CNTN1: variants seen among roughly 807,000 people sequenced by gnomAD.
CNTN1 encodes contactin 1, also known as contactin-1.
A neutral mutation model predicts 126.4 loss-of-function variants in CNTN1; 38 were observed. The ratio of observed to expected loss-of-function variants is 0.30; its 90% CI spans 0.23 to 0.39. The LOEUF (loss-of-function observed/expected upper bound fraction) is 0.39. CNTN1 is among the 10% of genes least tolerant of loss of function. The pLI, the probability that CNTN1 is intolerant of heterozygous loss-of-function variation, is 1.00. For missense variants in CNTN1, 1,009 were observed against 1,248.4 expected (o/e 0.81, Z 2.89); for synonymous variants, 413 against 422.6 (o/e 0.98, Z 0.28).
intron 1 of CNTN1, among the ~76,000 whole-genome samples, chr12:40,905,423 T>A (rs1944774043): frequency 1.3e-5 from 2 of 152,192 alleles, no homozygotes; most frequent in Non-Finnish European, 2.9e-5. Flanking sequence ...TGTTTCTTTT[T>A]CTCTCTGGTC....
chr12:40,726,583 A>G (rs1942356903), intron 1 of CNTN1, among the ~76,000 whole-genome samples: 1 of 152,078 alleles, frequency 6.6e-6, no homozygotes, highest in Non-Finnish European at 1.5e-5. Context: ...TGATCCGATT[A>G]CCTCCACCTG....
intron 20 of CNTN1, among the ~76,000 whole-genome samples, chr12:41,021,047 TA>T (rs1948895967): frequency 6.6e-6 from 1 of 152,204 alleles, no homozygotes; most frequent in Non-Finnish European, 1.5e-5. Flanking sequence ...TTAGGGTCTT[TA>T]ATACAATGCT....
chr12:40,917,060 GC>G (rs1387430623), intron 3 of CNTN1, among the ~76,000 whole-genome samples: 23 of 110,878 alleles, frequency 2.1e-4, no homozygotes, highest in Admixed American at 9.9e-5. Context: ...AGTGGTGGGG[GC>G]GGGGGGGGGG....
intron 16 of CNTN1, among the ~76,000 whole-genome samples, chr12:40,990,003 A>G (rs1430780080): frequency 2.0e-5 from 3 of 151,820 alleles, no homozygotes; most frequent in African/African-American, 7.3e-5. Flanking sequence ...AGATTTGCAG[A>G]AGTGAAAGCA....
At chr12:40,939,746 T>A (rs887491838) in intron 12 of CNTN1, among the ~76,000 whole-genome samples, 1 of 152,114 alleles carries the variant, frequency 6.6e-6, no homozygotes, top group Admixed American at 6.6e-5. Flanking sequence ...TGTCTTGTTG[T>A]TATAAATTGC....
rs115391965 is a variant in CNTN1 at position 40,996,982 on chromosome 12, C to T, written c.2113+3713C>T. 1.6e-3 allele frequency among the ~76,000 whole-genome samples: 250 copies of T among 152,306 alleles called. 2 individuals are homozygous for T. The highest frequency in any genetic ancestry group is 5.7e-3 in the African/African-American group (235 of 41,570). On this transcript the variant is annotated intron_variant, in intron 17 of 23. Transcript: ENST00000551295. ...AAGGTTGGTCCCCAGCCTCATTATG[C>T]TGATTGAAAGACATGACATTATCCA...
chr12:40,804,017 C>T (rs958911395), intron 1 of CNTN1, among the ~76,000 whole-genome samples: 1 of 151,944 alleles, frequency 6.6e-6, no homozygotes, highest in African/African-American at 2.4e-5. Flanking sequence ...TGAGTGTGCT[C>T]ACTAGGCTAA....
intron 23 of CNTN1, among the ~76,000 whole-genome samples, chr12:41,058,760 T>G (rs907684865): frequency 6.6e-6 from 1 of 152,186 alleles, no homozygotes; most frequent in African/African-American, 2.4e-5. Context: ...TGATTAGAAT[T>G]ATTTTATATC....
chr12:40,967,232 C>T (rs962832008), intron 15 of CNTN1, among the ~76,000 whole-genome samples: 1 of 151,960 alleles, frequency 6.6e-6, no homozygotes, highest in African/African-American at 2.4e-5. Flanking sequence ...GCTGTAATCC[C>T]AGCACTTTGG....
At chr12:40,727,671 T>C (rs961522960) in intron 1 of CNTN1, among the ~76,000 whole-genome samples, 1 of 152,152 alleles carries the variant, frequency 6.6e-6, no homozygotes, top group African/African-American at 2.4e-5. Context: ...TATTAGGCCA[T>C]AGACAAATTG....
intron 16 of CNTN1, among the ~76,000 whole-genome samples, chr12:40,990,612 T>G (rs1201787950): frequency 1.3e-5 from 2 of 152,230 alleles, no homozygotes; most frequent in East Asian, 3.8e-4. Flanking sequence ...TTCTACTTTA[T>G]GAAAATGTCT....
intron 3 of CNTN1, among the ~76,000 whole-genome samples, chr12:40,918,033 G>C (rs1289224283): frequency 6.6e-6 from 1 of 152,102 alleles, no homozygotes; most frequent in East Asian, 1.9e-4. Context: ...TCAGACTCTT[G>C]TTCAAAAATC....
chr12:40,933,835 C>T lies in CNTN1; in HGVS notation c.942C>T (p.Asn314=). ...GCATCTATGAATGTGAGGCTGAGAACATTAGAGGAAAGGATAAACATCAAG... is the reference window on the plus strand; with the variant it reads ...GCATCTATGAATGTGAGGCTGAGAATATTAGAGGAAAGGATAAACATCAAG... ...DEGIYECEAE[N]IRGKDKHQAR... The change falls in exon 9 of 24, where the codon AAC becomes AAT. Residue 314 remains asparagine, a synonymous_variant. Transcript: ENST00000551295. The T allele has an allele frequency of 6.2e-7, 1 of 1,612,316 alleles. No individual in the cohort carries two copies. Among genetic ancestry groups the T allele is most frequent in the African/African-American group, 1.3e-5 (1 of 74,890 alleles).
chr12:40,755,672 T>A (rs756331782), intron 1 of CNTN1, among the ~76,000 whole-genome samples: 3 of 151,992 alleles, frequency 2.0e-5, no homozygotes, highest in Non-Finnish European at 4.4e-5. Flanking sequence ...ATTGTACCAG[T>A]GCATTTAAAC....
At chr12:40,872,208 TTGTTTGTGTGTGTGTGTGTGTGTG>T (rs1235917725) in intron 1 of CNTN1, among the ~76,000 whole-genome samples, 3 of 124,048 alleles carry the variant, frequency 2.4e-5, no homozygotes, top group Non-Finnish European at 3.5e-5. Context: ...TTCCGTTGCT[TTGTTTGTGTGTGTGTGTGTGTGTG>T]TGTGTGTGTG....
rs1943525526 is a variant in CNTN1 at position 40,872,212 on chromosome 12, T to TG, written c.-76-36145_-76-36144insG. 2.6e-3 allele frequency among the ~76,000 whole-genome samples: 295 copies of TG among 113,592 alleles called. 3 individuals carry two copies. Among genetic ancestry groups the TG allele is most frequent in the African/African-American group, 7.7e-3 (214 of 27,702 alleles). 74.5% of individuals were successfully genotyped at this position (113,592 alleles called of 152,430 possible). The stretch of plus-strand genomic sequence containing the variant: ...CGGTAGGGTTTTTCCGTTGCTTTGT[T>TG]TGTGTGTGTGTGTGTGTGTGTGTGT... On this transcript the variant is annotated intron_variant, in intron 1 of 23. Coordinates refer to ENST00000551295, the MANE Select transcript of CNTN1 (RefSeq NM_001843.4).
intron 1 of CNTN1, among the ~76,000 whole-genome samples, chr12:40,843,086 C>T (rs111460684): frequency 3.9e-5 from 6 of 152,082 alleles, no homozygotes; most frequent in African/African-American, 1.4e-4. Context: ...TCTCTGAATA[C>T]GGGCTTCATT....
chr12:40,822,667 G>A (rs1941489965), intron 1 of CNTN1, among the ~76,000 whole-genome samples: 1 of 151,952 alleles, frequency 6.6e-6, no homozygotes, highest in African/African-American at 2.4e-5. Context: ...TTATATCTAT[G>A]TACCTTTAAG....
intron 4 of CNTN1, among the ~76,000 whole-genome samples, chr12:40,920,739 T>C (rs1268482437): frequency 6.6e-6 from 1 of 152,154 alleles, no homozygotes; most frequent in Non-Finnish European, 1.5e-5. Flanking sequence ...TTCTGACTTA[T>C]AAGCCTTGAG....
Sources: allele counts gnomAD v4.1 joint callset (sites outside exome capture counted in the v4.1 genomes callset), GRCh38; gene constraint gnomAD v4.1.1; transcripts MANE v1.5; gene names NCBI Gene and HGNC (gene_info 2026-07-23, HGNC 2026-07-21).